DDHD1: variants seen among roughly 807,000 people sequenced by gnomAD.
DDHD1 encodes DDHD domain containing 1.
DDHD1 carries 49 observed loss-of-function variants against 96.4 expected under a neutral mutation model. That is an observed-to-expected ratio of 0.51 (90% CI 0.40 to 0.64). The LOEUF (loss-of-function observed/expected upper bound fraction) is 0.64. Among genes scored for constraint, DDHD1 ranks in the 30% least tolerant of loss-of-function variants. The pLI is 0.00. For synonymous variants in DDHD1, 442 were observed against 446.5 expected (o/e 0.99, Z 0.13); for missense variants, 1,106 against 1,161.2 (o/e 0.95, Z 0.69).
At chr14:53,098,600 A>T (rs1206775137) in intron 2 of DDHD1, among the ~76,000 whole-genome samples, 1 of 152,108 alleles carries the variant, frequency 6.6e-6, no homozygotes. Flanking sequence ...TAAAAATTAA[A>T]TAATAACTAA....
At chr14:53,098,632 C>G (rs1887065571) in intron 2 of DDHD1, among the ~76,000 whole-genome samples, 1 of 152,044 alleles carries the variant, frequency 6.6e-6, no homozygotes, top group Non-Finnish European at 1.5e-5. Context: ...TGGGAATCCT[C>G]TTAGTCACCA....
intron 1 of DDHD1, among the ~76,000 whole-genome samples, chr14:53,150,606 A>G (rs1340598482): frequency 6.6e-6 from 1 of 152,222 alleles, no homozygotes; most frequent in Non-Finnish European, 1.5e-5. Flanking sequence ...GGTAAGATTC[A>G]TCTCTTGGTT....
At position 53,152,854 on chromosome 14, in the gene DDHD1, G is replaced by T. The variant is rs1273114560; in HGVS notation, c.245C>A (p.Pro82His). ...GTCATAGTTCTCGTCACTGAGGCAG[G>T]GGTCCAGCGCGAGGTGGTGGTTGTG... ...DDHNHHLALD[P>H]CLSDENYDFS... The change falls in exon 1 of 13, where the codon CCC becomes CAC. Residue 82 changes from proline to histidine, a missense_variant. By Grantham distance (77) the Pro-to-His change is moderately conservative. Transcript: ENST00000673822. 2.5e-6 allele frequency: 4 copies of T among 1,611,906 alleles called. No individual in the cohort carries two copies. The highest frequency in any genetic ancestry group is 3.4e-6 in the Non-Finnish European group (4 of 1,179,254).
intron 4 of DDHD1, among the ~76,000 whole-genome samples, chr14:53,084,809 A>G (rs1391768290): frequency 6.6e-6 from 1 of 152,204 alleles, no homozygotes. Context: ...GGCAAGCCGA[A>G]GCAGGGTGGG....
intron 2 of DDHD1, 103 bp from the exon 3 acceptor site, chr14:53,093,547 A>C (rs1342672623): frequency 2.1e-6 from 3 of 1,453,202 alleles, no homozygotes; most frequent in Non-Finnish European, 2.8e-6. Context: ...TTATCTAAAA[A>C]ACTCAGATAT....
At chr14:53,111,155 G>A (rs1055595870) in intron 1 of DDHD1, among the ~76,000 whole-genome samples, 3 of 152,022 alleles carry the variant, frequency 2.0e-5, no homozygotes, top group South Asian at 2.1e-4. Flanking sequence ...GAATACATTC[G>A]CAATAAAGAT....
At chr14:53,152,127 C>CGGTGG in intron 1 of DDHD1, 134 bp downstream of exon 1, 1 of 899,018 alleles carries the variant, frequency 1.1e-6, no homozygotes, top group Admixed American at 3.5e-5. Context: ...CCTGCTCAAT[C>CGGTGG]TCCATCCTGC....
At chr14:53,072,087 C>T (rs1048183787) in intron 6 of DDHD1, among the ~76,000 whole-genome samples, 1 of 152,072 alleles carries the variant, frequency 6.6e-6, no homozygotes, top group Non-Finnish European at 1.5e-5. Flanking sequence ...GTTATTCCTA[C>T]TAAACAGAAT....
rs190138410 is a variant in DDHD1, at chr14:53,122,078, T to C, written c.839-18222A>G. ...GGTCCAATTAGGCTTTACCAGTAGA[T>C]GACACTTGAAGGATGCTGGAAGAAG... On this transcript the variant is annotated intron_variant, in intron 1 of 12. Coordinates refer to ENST00000673822, the MANE Select transcript of DDHD1 (RefSeq NM_001160148.2). 5.3e-5 allele frequency among the ~76,000 whole-genome samples: 8 copies of C among 152,336 alleles called. No homozygotes were observed. The East Asian group carries it at 1.5e-3, about 29-fold the overall frequency.
chr14:53,087,149 G>C (rs1486951519), intron 4 of DDHD1, among the ~76,000 whole-genome samples: 2 of 152,020 alleles, frequency 1.3e-5, no homozygotes, highest in Non-Finnish European at 2.9e-5. Context: ...GGAGCACCCA[G>C]ATTCATAAAG....
At chr14:53,049,224 C>G (rs1340630044) in intron 12 of DDHD1, among the ~76,000 whole-genome samples, 1 of 152,158 alleles carries the variant, frequency 6.6e-6, no homozygotes. Flanking sequence ...TGTCACTAAC[C>G]AGATTGACTC....
chr14:53,121,039 C>A (rs8011233), intron 1 of DDHD1, among the ~76,000 whole-genome samples: 111,276 of 151,948 alleles, frequency 0.73, 43,561 homozygotes, highest in East Asian at 0.98. Flanking sequence ...TTGAAATCTA[C>A]CCACCTGACA....
Position 53,047,007 on chromosome 14 carries a change from T to C in DDHD1, c.2522-58A>G, listed in dbSNP as rs894754510. 10 of 1,354,642 alleles carry C rather than the reference T, an allele frequency of 7.4e-6. No homozygotes were observed. In the South Asian group the frequency reaches 1.4e-4, roughly 20 times the overall value. 83.9% of individuals were successfully genotyped at this position (1,354,642 alleles called of 1,614,324 possible). The stretch of plus-strand genomic sequence containing the variant: ...AGATTATAATAAAATATGTTCTATA[T>C]AGACTTACTGGAGTTGAGAGTAAAA... On this transcript the variant is annotated intron_variant, in intron 12 of 12. Transcript: ENST00000673822.
intron 1 of DDHD1, among the ~76,000 whole-genome samples, chr14:53,149,595 T>C (rs921964881): frequency 3.9e-5 from 6 of 152,234 alleles, no homozygotes; most frequent in African/African-American, 1.4e-4. Context: ...CAAAAAGCAC[T>C]ACTGTGTTTT....
chr14:53,140,363 G>A (rs555709901), intron 1 of DDHD1, among the ~76,000 whole-genome samples: 87 of 152,132 alleles, frequency 5.7e-4, no homozygotes, highest in Non-Finnish European at 9.9e-4. Flanking sequence ...GTGGAACCCC[G>A]TCTCTACTAA....
intron 5 of DDHD1, among the ~76,000 whole-genome samples, 191 bp from the exon 6 acceptor site, chr14:53,072,894 A>G (rs1884641554): frequency 1.3e-5 from 2 of 151,868 alleles, no homozygotes; most frequent in South Asian, 4.1e-4. Flanking sequence ...ACAGTAAAAG[A>G]CAACATAGGA....
At chr14:53,055,628 T>A in intron 10 of DDHD1, 32 bp downstream of exon 10, 1 of 1,604,474 alleles carries the variant, frequency 6.2e-7, no homozygotes, top group Non-Finnish European at 8.5e-7. Flanking sequence ...AGTGCTTATA[T>A]GCATAGATAA....
At chr14:53,086,522 T>C (rs569760730) in intron 4 of DDHD1, among the ~76,000 whole-genome samples, 12 of 152,092 alleles carry the variant, frequency 7.9e-5, no homozygotes, top group Non-Finnish European at 1.3e-4. Context: ...AAAAGAATTT[T>C]CAACCCAGAA....
At chr14:53,097,682 T>C (rs937489408) in intron 2 of DDHD1, among the ~76,000 whole-genome samples, 6 of 151,984 alleles carry the variant, frequency 3.9e-5, no homozygotes, top group African/African-American at 9.7e-5. Flanking sequence ...ACCAATTCCA[T>C]ATTATTAAAT....
Sources: gnomAD v4.1 joint callset for allele counts (sites outside exome capture counted in the v4.1 genomes callset) on GRCh38, gnomAD v4.1.1 for gene constraint, MANE v1.5 for transcripts, NCBI Gene and HGNC (gene_info 2026-07-23, HGNC 2026-07-21) for gene names.